Variants in SOAT1 observed in about 807,000 individuals in gnomAD.
SOAT1 encodes sterol O-acyltransferase 1, also known as acyl-coenzyme A:cholesterol acyltransferase 1.
SOAT1 carries 55 observed loss-of-function variants against 69.5 expected under a neutral mutation model. The observed-to-expected ratio is 0.79, with a 90% confidence interval of 0.64 to 0.99. The LOEUF is 0.99. Among genes scored for constraint, SOAT1 ranks in the 50% least tolerant of loss-of-function variants. The probability of loss-of-function intolerance (pLI) is 0.00; values close to 1 mark genes in which losing one functional copy is unlikely to be tolerated. For synonymous variants in SOAT1, 231 were observed against 224.7 expected (o/e 1.03, Z -0.25); for missense variants, 580 against 669.3 (o/e 0.87, Z 1.47).
chr1:179,338,177 C>T (rs1186024585), intron 5 of SOAT1, among the ~76,000 whole-genome samples: 1 of 152,024 alleles, frequency 6.6e-6, no homozygotes, highest in Non-Finnish European at 1.5e-5. Flanking sequence ...TCGCTTGAGT[C>T]CAGGAGTTCA....
intron 3 of SOAT1, among the ~76,000 whole-genome samples, chr1:179,326,758 A>T (rs969318349): frequency 1.3e-5 from 2 of 151,920 alleles, no homozygotes; most frequent in Non-Finnish European, 2.9e-5. Flanking sequence ...GGGTTTCACC[A>T]TGTTGGCCAG....
chr1:179,295,154 C>CT (rs1420862778), intron 1 of SOAT1, among the ~76,000 whole-genome samples: 2 of 152,168 alleles, frequency 1.3e-5, no homozygotes, highest in African/African-American at 4.8e-5. Flanking sequence ...TGAGCACACT[C>CT]TATCTCTGGT....
intron 14 of SOAT1, 69 bp from the exon 15 acceptor site, chr1:179,351,248 T>C (rs1666720337): frequency 1.8e-5 from 25 of 1,367,504 alleles, no homozygotes; most frequent in African/African-American, 2.9e-5. Flanking sequence ...TTCACCATGT[T>C]GGCCAGGCTG....
intron 2 of SOAT1, among the ~76,000 whole-genome samples, chr1:179,304,859 G>C (rs6425525): frequency 0.26 from 39,332 of 151,778 alleles, 5,206 homozygotes; most frequent in East Asian, 0.46. Context: ...TGTTGGCCAG[G>C]CTGGTCTTGA....
chr1:179,337,702 G>A, intron 4 of SOAT1, 135 bp from the exon 5 acceptor site: 1 of 560,384 alleles, frequency 1.8e-6, no homozygotes, highest in South Asian at 2.7e-5. Context: ...GCGGGCATCT[G>A]TAATCCTAGT....
chr1:179,303,294 G>A (rs1181897729), intron 2 of SOAT1, among the ~76,000 whole-genome samples: 1 of 152,204 alleles, frequency 6.6e-6, no homozygotes, highest in African/African-American at 2.4e-5. Context: ...AGTAGTTAGG[G>A]AGTTTTATTA....
chr1:179,297,680 G>C (rs1336399902), intron 1 of SOAT1, among the ~76,000 whole-genome samples: 1 of 143,966 alleles, frequency 6.9e-6, no homozygotes, highest in Non-Finnish European at 1.5e-5. Flanking sequence ...AAATGAGACA[G>C]CCAAGATCAT....
intron 2 of SOAT1, among the ~76,000 whole-genome samples, chr1:179,319,500 C>T (rs1162235530): frequency 6.6e-6 from 1 of 152,092 alleles, no homozygotes; most frequent in East Asian, 1.9e-4. Flanking sequence ...GAACTGCCGA[C>T]CTCAGGTGAT....
Position 179,349,345 on chromosome 1 carries a change from T to G in SOAT1, c.1314+403T>G, listed in dbSNP as rs868621666. Reference sequence around the variant, plus strand: ...AGAGAAACACTTTTTTTTTTTTTTTTTGAGAGAGTTTCGCTCTTGTTGCCC... The same window carrying G: ...AGAGAAACACTTTTTTTTTTTTTTTGTGAGAGAGTTTCGCTCTTGTTGCCC... On this transcript the variant is annotated intron_variant, in intron 13 of 15. Coordinates refer to ENST00000367619, the MANE Select transcript of SOAT1 (RefSeq NM_003101.6). 5.3e-4 allele frequency among the ~76,000 whole-genome samples: 79 copies of G among 149,342 alleles called. 1 individual carries two copies. Among genetic ancestry groups the G allele is most frequent in the Non-Finnish European group, 6.8e-4 (46 of 67,580 alleles).
intron 3 of SOAT1, among the ~76,000 whole-genome samples, chr1:179,332,340 T>G (rs1666000514): frequency 1.3e-5 from 2 of 152,208 alleles, no homozygotes; most frequent in Admixed American, 6.5e-5. Context: ...TTTTCCAGCC[T>G]TATCTCTGAT....
chr1:179,350,542 T>C (rs1666689853), intron 14 of SOAT1, 111 bp downstream of exon 14: 1 of 961,044 alleles, frequency 1.0e-6, no homozygotes, highest in South Asian at 1.7e-5. Flanking sequence ...TAGTAACATT[T>C]TAAGGTAGTA....
At chr1:179,294,062 A>C (rs567253513) in intron 1 of SOAT1, 126 bp downstream of exon 1, 2 of 145,882 alleles carry the variant, frequency 1.4e-5, no homozygotes, top group East Asian at 2.3e-4. Context: ...TGTGCTGCGG[A>C]GAAGGCGAGG....
chr1:179,341,997 A>T (rs1666354227), intron 7 of SOAT1, 117 bp from the exon 8 acceptor site: 6 of 1,368,470 alleles, frequency 4.4e-6, no homozygotes, highest in African/African-American at 2.9e-5. Context: ...TAATTTGTTT[A>T]TACACTTATC....
intron 11 of SOAT1, among the ~76,000 whole-genome samples, chr1:179,347,381 C>G (rs1666571684): frequency 7.0e-6 from 1 of 142,988 alleles, no homozygotes; most frequent in Non-Finnish European, 1.5e-5. Context: ...AAAAACCAGA[C>G]TGGGTAATGT....
intron 9 of SOAT1, 95 bp downstream of exon 9, chr1:179,343,038 T>C (rs958956259): frequency 9.1e-6 from 8 of 877,738 alleles, no homozygotes; most frequent in South Asian, 8.6e-5. Context: ...TGTAGGGACA[T>C]AGAAAATATA....
At position 179,344,352 on chromosome 1, in the gene SOAT1, G is replaced by GT. The variant is rs762911049; in HGVS notation, c.988-595_988-594insT. On this transcript the variant is annotated intron_variant, in intron 10 of 15. Coordinates refer to ENST00000367619, the MANE Select transcript of SOAT1 (RefSeq NM_003101.6). The stretch of plus-strand genomic sequence containing the variant: ...TATGAAGTAAGTTCTTTCATTAAGG[G>GT]GTTTTTTTTTTTTTTTTTTTTTTTT... Among the ~76,000 whole-genome samples the GT allele has an allele frequency of 5.9e-3, 712 of 120,486 alleles. 183 individuals are homozygous for GT. Among genetic ancestry groups the GT allele is most frequent in the South Asian group, 8.6e-3 (30 of 3,494 alleles). 79.0% of individuals were successfully genotyped at this position (120,486 alleles called of 152,430 possible).
chr1:179,308,482 A>G (rs1027071644), intron 2 of SOAT1, among the ~76,000 whole-genome samples: 1 of 151,884 alleles, frequency 6.6e-6, no homozygotes, highest in South Asian at 2.1e-4. Flanking sequence ...GACTAGCCTG[A>G]CCAACATGAT....
chr1:179,326,198 G>A (rs537989630), intron 3 of SOAT1, among the ~76,000 whole-genome samples: 2 of 152,180 alleles, frequency 1.3e-5, no homozygotes, highest in African/African-American at 4.8e-5. Flanking sequence ...ATTTTTTCTC[G>A]ACTTTTATGC....
intron 5 of SOAT1, 92 bp downstream of exon 5, chr1:179,337,988 C>A: frequency 2.5e-6 from 2 of 792,146 alleles, no homozygotes; most frequent in Admixed American, 2.9e-5. Context: ...GTAATGAGTT[C>A]TGTATCTGTA....
Sources: allele counts gnomAD v4.1 joint callset (sites outside exome capture counted in the v4.1 genomes callset), GRCh38; gene constraint gnomAD v4.1.1; transcripts MANE v1.5; gene names NCBI Gene and HGNC (gene_info 2026-07-23, HGNC 2026-07-21).